SOX5: variants seen among roughly 807,000 people sequenced by gnomAD.
SOX5 encodes the protein SRY-box transcription factor 5, also known as transcription factor SOX-5.
A neutral mutation model predicts 92.0 loss-of-function variants in SOX5; 9 were observed. That is an observed-to-expected ratio of 0.10 (90% CI 0.06 to 0.17). SOX5 has a LOEUF of 0.17. SOX5 is among the 10% of genes least tolerant of loss of function. The pLI, the probability that SOX5 is intolerant of heterozygous loss-of-function variation, is 1.00. For synonymous variants in SOX5, 344 were observed against 336.3 expected (o/e 1.02, Z -0.25); for missense variants, 642 against 944.5 (o/e 0.68, Z 4.20).
intron 4 of SOX5, among the ~76,000 whole-genome samples, chr12:24,077,226 CA>C (rs1354805328): frequency 1.3e-5 from 2 of 152,122 alleles, no homozygotes; most frequent in African/African-American, 4.8e-5. Flanking sequence ...GTCGACTTTA[CA>C]GTCTATGTGT....
chr12:24,465,045 T>C (rs1233725580), intron 1 of SOX5, among the ~76,000 whole-genome samples: 4 of 152,206 alleles, frequency 2.6e-5, no homozygotes, highest in East Asian at 1.9e-4. Context: ...ATGATGACAA[T>C]GATGTTATCT....
chr12:23,706,702 T>C (rs943110464), intron 6 of SOX5, among the ~76,000 whole-genome samples: 1 of 152,060 alleles, frequency 6.6e-6, no homozygotes, highest in African/African-American at 2.4e-5. Context: ...ATAAATAGTA[T>C]TTTAATGTAT....
chr12:23,676,270 T>C (rs982193643), intron 6 of SOX5, among the ~76,000 whole-genome samples: 1 of 152,202 alleles, frequency 6.6e-6, no homozygotes, highest in African/African-American at 2.4e-5. Flanking sequence ...GTTAATTTAC[T>C]TGACTGCAAT....
intron 2 of SOX5, among the ~76,000 whole-genome samples, chr12:24,281,077 CT>C (rs1261469322): frequency 2.7e-5 from 4 of 150,878 alleles, no homozygotes; most frequent in African/African-American, 7.3e-5. Context: ...ACCTGACTTA[CT>C]TTTTGTTTCC....
chr12:23,579,172 A>G (rs745873850), intron 9 of SOX5, among the ~76,000 whole-genome samples: 8 of 152,182 alleles, frequency 5.3e-5, no homozygotes, highest in Non-Finnish European at 1.2e-4. Flanking sequence ...ATGCTGAAAG[A>G]TAACTATTCA....
chr12:24,455,681 A>T (rs1942930723), intron 1 of SOX5, among the ~76,000 whole-genome samples: 2 of 152,226 alleles, frequency 1.3e-5, no homozygotes, highest in South Asian at 2.1e-4. Context: ...GAAGACTGAT[A>T]GTCGGCTGAG....
At chr12:24,080,884 T>C (rs1027438882) in intron 4 of SOX5, among the ~76,000 whole-genome samples, 6 of 151,838 alleles carry the variant, frequency 4.0e-5, no homozygotes, top group Non-Finnish European at 8.8e-5. Flanking sequence ...ATGGCTAAGT[T>C]AAAAAACAAC....
intron 8 of SOX5, among the ~76,000 whole-genome samples, chr12:23,628,926 C>G (rs1295018923): frequency 1.3e-5 from 2 of 151,862 alleles, no homozygotes; most frequent in Non-Finnish European, 2.9e-5. Context: ...TGGTCCTTCT[C>G]TCAGAACAGT....
intron 2 of SOX5, among the ~76,000 whole-genome samples, chr12:24,325,905 C>T (rs146651010): frequency 9.2e-5 from 14 of 152,124 alleles, no homozygotes; most frequent in South Asian, 2.1e-4. Context: ...CGTGCACGCG[C>T]GCGCGTGTGT....
At chr12:24,395,806 G>A (rs1021080435) in intron 1 of SOX5, among the ~76,000 whole-genome samples, 4 of 152,144 alleles carry the variant, frequency 2.6e-5, no homozygotes, top group African/African-American at 9.7e-5. Context: ...GTCTCTAGCT[G>A]AAAACTACTT....
At chr12:24,115,882 T>C (rs549225231) in intron 4 of SOX5, among the ~76,000 whole-genome samples, 1 of 152,124 alleles carries the variant, frequency 6.6e-6, no homozygotes, top group South Asian at 2.1e-4. Flanking sequence ...ATTGTTAATA[T>C]AAAAGTAATG....
intron 9 of SOX5, among the ~76,000 whole-genome samples, chr12:23,600,162 G>T (rs1454977834): frequency 6.6e-6 from 1 of 152,128 alleles, no homozygotes; most frequent in Non-Finnish European, 1.5e-5. Flanking sequence ...TTTAATGTGA[G>T]AAGGTAGAAT....
chr12:24,043,277 A>G (rs1035575744), intron 4 of SOX5, among the ~76,000 whole-genome samples: 13 of 152,208 alleles, frequency 8.5e-5, no homozygotes, highest in African/African-American at 3.1e-4. Flanking sequence ...AAATATCGGA[A>G]AGCAAGAGAC....
chr12:23,845,226 G>C (rs1434771256), intron 3 of SOX5, among the ~76,000 whole-genome samples: 2 of 152,160 alleles, frequency 1.3e-5, no homozygotes, highest in African/African-American at 2.4e-5. Flanking sequence ...TGAAACAGGA[G>C]GCATGTTCTT....
At chr12:23,878,971 G>T (rs959941917) in intron 2 of SOX5, among the ~76,000 whole-genome samples, 1 of 152,062 alleles carries the variant, frequency 6.6e-6, no homozygotes, top group Non-Finnish European at 1.5e-5. Flanking sequence ...AGTGAAGTTT[G>T]CCAGAATCTT....
chr12:24,381,272 A>G (rs1302167325), intron 1 of SOX5, among the ~76,000 whole-genome samples: 1 of 152,240 alleles, frequency 6.6e-6, no homozygotes, highest in Non-Finnish European at 1.5e-5. Context: ...AAATATGTAT[A>G]TTTACTTTTA....
intron 4 of SOX5, among the ~76,000 whole-genome samples, chr12:24,207,978 T>TAAATCAGTAAAAACAAA (rs1958193872): frequency 6.6e-6 from 1 of 152,212 alleles, no homozygotes. Flanking sequence ...TAAAAAAGAA[T>TAAATCAGTAAAAACAAA]AAATCAGTAA....
chr12:23,980,103 G>A (rs76703517), intron 4 of SOX5, among the ~76,000 whole-genome samples: 3,554 of 152,010 alleles, frequency 0.023, 61 homozygotes, highest in Middle Eastern at 0.058. Flanking sequence ...GCATGAATTC[G>A]TTATCTTCGT....
chr12:23,595,502 C>T (rs1171670399), intron 9 of SOX5, among the ~76,000 whole-genome samples: 1 of 151,544 alleles, frequency 6.6e-6, no homozygotes, highest in African/African-American at 2.4e-5. Flanking sequence ...ACCTGTTGTC[C>T]CAGCTACTTG....
Sources: allele counts gnomAD v4.1 joint callset (sites outside exome capture counted in the v4.1 genomes callset), GRCh38; gene constraint gnomAD v4.1.1; transcripts MANE v1.5; gene names NCBI Gene and HGNC (gene_info 2026-07-23, HGNC 2026-07-21).